DCP2: variants seen among roughly 807,000 people sequenced by gnomAD.
DCP2 encodes the protein decapping mRNA 2, also known as m7GpppN-mRNA hydrolase.
In DCP2, 30 loss-of-function variants were observed where a neutral mutation model predicts 56.1. That is an observed-to-expected ratio of 0.53 (90% CI 0.40 to 0.73). DCP2 has a LOEUF of 0.73. Ranked by LOEUF, DCP2 falls within the 30% of genes least tolerant of loss-of-function variation. The pLI is 0.00. For missense variants in DCP2, 533 were observed against 502.7 expected (o/e 1.06, Z -0.58); for synonymous variants, 197 against 163.3 (o/e 1.21, Z -1.57).
chr5:112,994,167 T>C (rs1425863241), intron 4 of DCP2, among the ~76,000 whole-genome samples: 452 of 142,740 alleles, frequency 3.2e-3, no homozygotes, highest in Non-Finnish European at 5.6e-3. Flanking sequence ...TTCTTTCTTT[T>C]TTTTTTTTTT....
intron 10 of DCP2, among the ~76,000 whole-genome samples, chr5:113,012,032 C>A (rs1436731421): frequency 6.6e-6 from 1 of 152,100 alleles, no homozygotes; most frequent in African/African-American, 2.4e-5. Flanking sequence ...GGATTTTTTT[C>A]TGGCCACCTT....
In DCP2 at chr5:113,013,405, G is replaced by A. The variant is rs1172218213; in HGVS notation, c.1184G>A (p.Cys395Tyr). The change falls in exon 11 of 11, where the codon TGC becomes TAC. Residue 395 changes from cysteine (C) to tyrosine (Y), a missense_variant. This residue lies in a region of DCP2 where 392 missense variants were observed against 346.6 expected (regional missense o/e 1.13). Transcript: ENST00000389063. ...CAGCCCGTGGCATGTAATGGACATT[G>A]CAAGTTCCCCTTTTCATCCAGAGCC... ...EGQPVACNGH[C>Y]KFPFSSRAFL... The A allele has an allele frequency of 6.2e-7, 1 of 1,614,148 alleles. No individual in the cohort carries two copies. Among genetic ancestry groups the A allele is most frequent in the Admixed American group, 1.7e-5 (1 of 60,028 alleles).
intron 7 of DCP2, among the ~76,000 whole-genome samples, chr5:113,003,111 C>G (rs182472856): frequency 6.6e-6 from 1 of 151,900 alleles, no homozygotes; most frequent in Admixed American, 6.6e-5. Context: ...GGAGCTTGGA[C>G]TAAATGCCCT....
At chr5:112,990,361 C>T (rs1244288848) in intron 2 of DCP2, among the ~76,000 whole-genome samples, 2 of 152,022 alleles carry the variant, frequency 1.3e-5, no homozygotes, top group Non-Finnish European at 2.9e-5. Context: ...TTTTTTCCTT[C>T]AGTAAGCACT....
In DCP2 at chr5:112,992,180, G is replaced by C. The variant is rs748224881; in HGVS notation, c.265G>C (p.Glu89Gln). 1 of 1,613,996 alleles carries C rather than the reference G, an allele frequency of 6.2e-7. No individual in the cohort carries two copies. Among genetic ancestry groups the C allele is most frequent in the Non-Finnish European group, 8.5e-7 (1 of 1,179,966 alleles). ...QGEDVEKVLD[E>Q]WKEYKMGVPT... ...TGAAGATGTGGAAAAAGTTTTGGAT[G>C]AATGGAAGGAATATAAAATGGGAGT... Residue 89 changes from glutamate to glutamine, a missense_variant, in exon 3 of 11, where the codon GAA becomes CAA. Glu to Gln is a conservative substitution (Grantham distance 29, BLOSUM62 2). Coordinates refer to ENST00000389063, the MANE Select transcript of DCP2 (RefSeq NM_152624.6).
chr5:112,993,002 C>T (rs947008985), intron 4 of DCP2, among the ~76,000 whole-genome samples: 21 of 149,740 alleles, frequency 1.4e-4, no homozygotes, highest in African/African-American at 5.2e-4. Context: ...TGTATTATCT[C>T]TTGTTCCTTT....
In DCP2 at chr5:112,985,869, G is replaced by A; in HGVS notation, c.88G>A (p.Asp30Asn). ...FILHIPSEER[D>N]NAIRVCFQIE... ...TTTGCATATTCCCAGCGAGGAAAGA[G>A]ACAATGCAATCCGAGTGTGTTTTCA... The change falls in exon 2 of 11, where the codon GAC becomes AAC. Residue 30 changes from aspartate to asparagine, a missense_variant. Coordinates refer to ENST00000389063, the MANE Select transcript of DCP2 (RefSeq NM_152624.6). 1.9e-6 allele frequency: 3 copies of A among 1,609,122 alleles called. No individual in the cohort carries two copies. The highest frequency in any genetic ancestry group is 2.6e-6 in the Non-Finnish European group (3 of 1,175,812).
At chr5:112,977,317 C>T (rs925345069) in intron 1 of DCP2, among the ~76,000 whole-genome samples, 1 of 152,224 alleles carries the variant, frequency 6.6e-6, no homozygotes, top group East Asian at 1.9e-4. Context: ...CCGCCTCCCT[C>T]TCCCATTGTT....
chr5:112,977,590 C>G (rs1270829659), intron 1 of DCP2, among the ~76,000 whole-genome samples: 1 of 151,984 alleles, frequency 6.6e-6, no homozygotes, highest in Non-Finnish European at 1.5e-5. Context: ...AAAAGTGTAG[C>G]GCTGCTTTTC....
chr5:112,982,838 C>T (rs1165933239), intron 1 of DCP2, among the ~76,000 whole-genome samples: 2 of 152,190 alleles, frequency 1.3e-5, no homozygotes, highest in African/African-American at 4.8e-5. Flanking sequence ...ACTTTCTTGT[C>T]ATGCTTCACA....
chr5:113,008,807 A>T (rs1307055143), intron 9 of DCP2, among the ~76,000 whole-genome samples: 2 of 152,132 alleles, frequency 1.3e-5, no homozygotes, highest in Admixed American at 1.3e-4. Flanking sequence ...AAGGCTTTTA[A>T]TAAAATTCAA....
At chr5:113,000,983 T>G in intron 4 of DCP2, 101 bp from the exon 5 acceptor site, 1 of 1,140,020 alleles carries the variant, frequency 8.8e-7, no homozygotes, top group Non-Finnish European at 1.2e-6. Context: ...TAAATACAAG[T>G]CATGTCCCCT....
intron 10 of DCP2, 146 bp from the exon 11 acceptor site, chr5:113,013,175 A>C: frequency 1.5e-6 from 1 of 685,510 alleles, no homozygotes; most frequent in Non-Finnish European, 2.2e-6. Context: ...AGGAAAATAC[A>C]TATTTTGGTG....
chr5:112,983,513 C>G (rs571871921), intron 1 of DCP2, among the ~76,000 whole-genome samples: 24 of 152,264 alleles, frequency 1.6e-4, no homozygotes, highest in Admixed American at 1.4e-3. Context: ...CCATGCCTGG[C>G]AAGGCAGTAT....
At chr5:112,987,232 T>C (rs1165906777) in intron 2 of DCP2, among the ~76,000 whole-genome samples, 1 of 152,182 alleles carries the variant, frequency 6.6e-6, no homozygotes, top group Non-Finnish European at 1.5e-5. Flanking sequence ...GCTATATTTT[T>C]GAGGGAATAT....
chr5:113,003,495 G>C (rs566634571), intron 7 of DCP2, among the ~76,000 whole-genome samples: 1 of 152,044 alleles, frequency 6.6e-6, no homozygotes, highest in African/African-American at 2.4e-5. Flanking sequence ...AGGATGGCTC[G>C]AGCCTGAGAG....
chr5:112,999,036 C>A (rs1032938122), intron 4 of DCP2, among the ~76,000 whole-genome samples: 1 of 152,222 alleles, frequency 6.6e-6, no homozygotes. Flanking sequence ...TTAATTGACA[C>A]GTCTCTTCAG....
intron 7 of DCP2, 128 bp downstream of exon 7, chr5:113,001,802 C>A (rs1402922569): frequency 7.2e-6 from 6 of 828,262 alleles, no homozygotes; most frequent in Middle Eastern, 4.9e-4. Flanking sequence ...TTACTGGTCT[C>A]ACAGATAATA....
Position 113,017,795 on chromosome 5 carries a change from C to A in DCP2, c.*4311C>A, listed in dbSNP as rs2150197002. On this transcript the variant is annotated 3_prime_UTR_variant, in exon 11 of 11. Coordinates refer to ENST00000389063, the MANE Select transcript of DCP2 (RefSeq NM_152624.6). The stretch of plus-strand genomic sequence containing the variant: ...GGCTAGAAATGTGATCATTGCATGG[C>A]CTAAGTGTAGTCATTCATATATATA... 1 of 152,156 alleles carries A rather than the reference C, an allele frequency of 6.6e-6. No individual in the cohort carries two copies. The highest frequency in any genetic ancestry group is 2.1e-4 in the South Asian group (1 of 4,820). 9.4% of individuals were successfully genotyped at this position (152,156 alleles called of 1,614,324 possible). A position where few individuals can be genotyped will look rare whatever the true frequency, so the allele number is the denominator to read the frequency against.
Sources: gnomAD v4.1 joint callset for allele counts (sites outside exome capture counted in the v4.1 genomes callset) on GRCh38, gnomAD v4.1.1 for gene constraint, gnomAD v4.1.1 regional missense constraint, MANE v1.5 for transcripts, NCBI Gene and HGNC (gene_info 2026-07-23, HGNC 2026-07-21) for gene names.